Variants in BRIP1 observed in about 807,000 individuals in gnomAD.
The protein encoded by BRIP1 is Fanconi anemia group J protein.
A neutral mutation model predicts 119.7 loss-of-function variants in BRIP1; 88 were observed. The ratio of observed to expected loss-of-function variants is 0.74; its 90% CI spans 0.62 to 0.88. BRIP1 has a LOEUF of 0.88. BRIP1 is among the 40% of genes least tolerant of loss of function. The pLI is 0.00. For missense variants in BRIP1, 1,259 were observed against 1,455.4 expected (o/e 0.87, Z 2.20); for synonymous variants, 443 against 496.5 (o/e 0.89, Z 1.43).
At chr17:61,749,114 C>T (rs1041253988) in intron 14 of BRIP1, among the ~76,000 whole-genome samples, 8 of 145,040 alleles carry the variant, frequency 5.5e-5, no homozygotes, top group Admixed American at 4.9e-4. Context: ...TCCAGCCTGG[C>T]GACAGAGCGA....
chr17:61,733,620 A>G (rs967029309), intron 16 of BRIP1, among the ~76,000 whole-genome samples: 2 of 152,136 alleles, frequency 1.3e-5, no homozygotes, highest in African/African-American at 4.8e-5. Context: ...GTAATTTTAA[A>G]AAATTGATTA....
Position 61,789,416 on chromosome 17 carries a change from A to G in BRIP1, c.1473+4181T>C, listed in dbSNP as rs1364694534. Among the ~76,000 whole-genome samples, 1 of 152,182 alleles carries G rather than the reference A, an allele frequency of 6.6e-6. No individual in the cohort carries two copies. Among genetic ancestry groups the G allele is most frequent in the Non-Finnish European group, 1.5e-5 (1 of 68,028 alleles). On this transcript the variant is annotated intron_variant, in intron 10 of 19. Coordinates refer to ENST00000259008, the MANE Select transcript of BRIP1 (RefSeq NM_032043.3). The surrounding 1 kb of genome is among the most constrained non-coding windows in gnomAD (Gnocchi z 4.8). ...AATTCTCTATCCATACAGGAAAAAA[A>G]TTGATTCATAAATTCACAACATAAA... is the stretch of plus-strand genomic sequence containing the variant.
chr17:61,719,868 C>A (rs1198086113), intron 16 of BRIP1, among the ~76,000 whole-genome samples: 1 of 151,898 alleles, frequency 6.6e-6, no homozygotes, highest in Non-Finnish European at 1.5e-5. Flanking sequence ...TCAGTCTGTC[C>A]CCCAGACTGG....
Position 61,776,224 on chromosome 17 carries a change from A to G in BRIP1, c.2097+177T>C. On this transcript the variant is annotated intron_variant, in intron 14 of 19. Transcript: ENST00000259008. This position sits in a 1 kb window ranked among gnomAD's most constrained non-coding sequence, Gnocchi z 5.0. ...TAAGTAAAACAGAGGTAGGACAATC[A>G]GGCAGTATCTTAATCAAAAAATAAG... 1 of 682,886 alleles carries G rather than the reference A, an allele frequency of 1.5e-6. No homozygotes were observed. Among genetic ancestry groups the G allele is most frequent in the Non-Finnish European group, 2.4e-6 (1 of 412,806 alleles). The allele number at this position is 682,886 out of a possible 1,614,324, so 42.3% of individuals were successfully genotyped here. A position where few individuals can be genotyped will look rare whatever the true frequency, so the allele number is the denominator to read the frequency against.
rs538174407 is a variant in BRIP1, at chr17:61,824,516, T to C, written c.628-15759A>G. On this transcript the variant is annotated intron_variant, in intron 6 of 19. Coordinates refer to ENST00000259008, the MANE Select transcript of BRIP1 (RefSeq NM_032043.3). This position sits in a 1 kb window ranked among gnomAD's most constrained non-coding sequence, Gnocchi z 4.3. ...TTCCAAAAGCAAACCCCCACATATA[T>C]GGTCAAATAATTTTCAGCAGCCTAT... Among the ~76,000 whole-genome samples, 1 of 152,230 alleles carries C rather than the reference T, an allele frequency of 6.6e-6. No individual in the cohort carries two copies. The highest frequency in any genetic ancestry group is 2.1e-4 in the South Asian group (1 of 4,830).
chr17:61,725,826 T>TACATTGCCC lies in BRIP1; in HGVS notation c.2380-9772_2380-9764dup, dbSNP rs1374974738. Among the ~76,000 whole-genome samples the TACATTGCCC allele has an allele frequency of 2.0e-5, 3 of 152,184 alleles. No homozygotes were observed. Among genetic ancestry groups the TACATTGCCC allele is most frequent in the Admixed American group, 1.3e-4 (2 of 15,278 alleles). ...AATTATTTTAGAGACGCAGTCTCACTACATTGCCCAGGCTGGTCTTGAACT... is the reference window on the plus strand; with the variant it reads ...AATTATTTTAGAGACGCAGTCTCACTACATTGCCCACATTGCCCAGGCTGGTCTTGAACT... On this transcript the variant is annotated intron_variant, in intron 16 of 19. Transcript: ENST00000259008. This position sits in a 1 kb window ranked among gnomAD's most constrained non-coding sequence, Gnocchi z 5.3.
chr17:61,772,127 C>T (rs1407978557), intron 14 of BRIP1, among the ~76,000 whole-genome samples: 2 of 122,736 alleles, frequency 1.6e-5, no homozygotes, highest in Non-Finnish European at 3.3e-5. Context: ...AAATACCCAT[C>T]GACAGATGAA....
chr17:61,706,442 C>A lies in BRIP1; in HGVS notation c.2492+9509G>T, dbSNP rs1397489787. Among the ~76,000 whole-genome samples the A allele has an allele frequency of 2.0e-5, 3 of 152,068 alleles. No homozygotes were observed. The highest frequency in any genetic ancestry group is 7.2e-5 in the African/African-American group (3 of 41,418). On this transcript the variant is annotated intron_variant, in intron 17 of 19. Transcript: ENST00000259008. The surrounding 1 kb of genome is among the most constrained non-coding windows in gnomAD (Gnocchi z 5.7). Reference sequence around the variant, plus strand: ...AATTTTAACTTTTATCAAAGAAACACGAACACATAGTTTTATGTTTTCAAT... The same window carrying A: ...AATTTTAACTTTTATCAAAGAAACAAGAACACATAGTTTTATGTTTTCAAT...
At position 61,760,442 on chromosome 17, in the gene BRIP1, GAATA is replaced by G. The variant is rs1018652825; in HGVS notation, c.2098-15855_2098-15852del. ...AAGGAAAGAAGTAATAAAGATCAGA[GAATA>G]AATAAATAAAGTAGAGACTAGGAAA... On this transcript the variant is annotated intron_variant, in intron 14 of 19. Coordinates refer to ENST00000259008, the MANE Select transcript of BRIP1 (RefSeq NM_032043.3). This position sits in a 1 kb window ranked among gnomAD's most constrained non-coding sequence, Gnocchi z 4.6. 4.0e-5 allele frequency among the ~76,000 whole-genome samples: 6 copies of G among 151,252 alleles called. No homozygotes were observed. The highest frequency in any genetic ancestry group is 7.3e-5 in the African/African-American group (3 of 41,194).
At chr17:61,764,734 A>T (rs1022081215) in intron 14 of BRIP1, among the ~76,000 whole-genome samples, 1 of 152,008 alleles carries the variant, frequency 6.6e-6, no homozygotes, top group Non-Finnish European at 1.5e-5. Flanking sequence ...TATTTAACTA[A>T]TTTGTCTGTC....
In BRIP1 at chr17:61,684,547, G is replaced by A. The variant is rs1009175208; in HGVS notation, c.2906-407C>T. ...CTTTTATTTAATAAATAAGGAAAGT[G>A]ACATAAGGCTAAGTTATTTGCTCAA... On this transcript the variant is annotated intron_variant, in intron 19 of 19. Coordinates refer to ENST00000259008, the MANE Select transcript of BRIP1 (RefSeq NM_032043.3). The surrounding 1 kb of genome is among the most constrained non-coding windows in gnomAD (Gnocchi z 4.5). Among the ~76,000 whole-genome samples, 5 of 152,108 alleles carry A rather than the reference G, an allele frequency of 3.3e-5. No individual in the cohort carries two copies. The highest frequency in any genetic ancestry group is 6.5e-5 in the Admixed American group (1 of 15,274).
chr17:61,715,528 A>G (rs552378086), intron 17 of BRIP1, among the ~76,000 whole-genome samples: 1 of 152,322 alleles, frequency 6.6e-6, no homozygotes, highest in South Asian at 2.1e-4. Context: ...TTCAAATAGA[A>G]TATCTCCTCA....
rs1320177223 is a variant in BRIP1 at position 61,778,069 on chromosome 17, A to AAT, written c.1936-1509_1936-1508dup. Among the ~76,000 whole-genome samples the AAT allele has an allele frequency of 6.6e-6, 1 of 152,132 alleles. No homozygotes were observed. Among genetic ancestry groups the AAT allele is most frequent in the Non-Finnish European group, 1.5e-5 (1 of 68,038 alleles). ...TGCCAGGAAATGGAGTGGAAGACCA[A>AAT]ATATATATATTATAAATCACAGGCA... On this transcript the variant is annotated intron_variant, in intron 13 of 19. Transcript: ENST00000259008. The surrounding 1 kb of genome is among the most constrained non-coding windows in gnomAD (Gnocchi z 4.4).
chr17:61,752,423 A>G lies in BRIP1; in HGVS notation c.2098-7832T>C, dbSNP rs1456445583. On this transcript the variant is annotated intron_variant, in intron 14 of 19. Coordinates refer to ENST00000259008, the MANE Select transcript of BRIP1 (RefSeq NM_032043.3). The surrounding 1 kb of genome is among the most constrained non-coding windows in gnomAD (Gnocchi z 6.2). ...GGAGGCAAAGGCCCACTAGAAGATTATCTAGGGAAATACACTTTGTTGAAC... is the reference window on the plus strand; with the variant it reads ...GGAGGCAAAGGCCCACTAGAAGATTGTCTAGGGAAATACACTTTGTTGAAC... Among the ~76,000 whole-genome samples, 1 of 152,232 alleles carries G rather than the reference A, an allele frequency of 6.6e-6. No individual in the cohort carries two copies. The highest frequency in any genetic ancestry group is 1.9e-4 in the East Asian group (1 of 5,198).
intron 6 of BRIP1, among the ~76,000 whole-genome samples, chr17:61,820,958 AAAAAG>A (rs1268987630): frequency 1.6e-5 from 2 of 128,112 alleles, no homozygotes; most frequent in African/African-American, 7.3e-5. Flanking sequence ...TTAAAAAAAA[AAAAAG>A]AAAGAAAGAA....
Position 61,684,261 on chromosome 17 carries a change from C to G in BRIP1, c.2906-121G>C. The G allele has an allele frequency of 1.8e-6, 2 of 1,121,834 alleles. No homozygotes were observed. The highest frequency in any genetic ancestry group is 1.2e-6 in the Non-Finnish European group (1 of 802,002). The allele number at this position is 1,121,834 out of a possible 1,614,324, so 69.5% of individuals were successfully genotyped here. On this transcript the variant is annotated intron_variant, in intron 19 of 19. Transcript: ENST00000259008. This position sits in a 1 kb window ranked among gnomAD's most constrained non-coding sequence, Gnocchi z 4.5. ...TGTATAGGATACATAACTTAGAGCCCCCAACGAATACTAGTGGATTTTCAT... is the reference window on the plus strand; with the variant it reads ...TGTATAGGATACATAACTTAGAGCCGCCAACGAATACTAGTGGATTTTCAT...
chr17:61,741,220 T>A lies in BRIP1; in HGVS notation c.2379+1793A>T, dbSNP rs575047533. Among the ~76,000 whole-genome samples, 14 of 152,340 alleles carry A rather than the reference T, an allele frequency of 9.2e-5. No individual in the cohort carries two copies. The East Asian group carries it at 1.5e-3, about 17-fold the overall frequency. ...AAGTGTCCTCATGAGATTGCAGCAA[T>A]TTAGTCACGTCTTAAGCTCCACTTC... On this transcript the variant is annotated intron_variant, in intron 16 of 19. Transcript: ENST00000259008.
chr17:61,786,498 T>C (rs1567818771), intron 10 of BRIP1, among the ~76,000 whole-genome samples: 3 of 150,914 alleles, frequency 2.0e-5, no homozygotes, highest in Admixed American at 6.6e-5. Flanking sequence ...TAAAAATTCC[T>C]AAAAATATTG....
intron 3 of BRIP1, among the ~76,000 whole-genome samples, chr17:61,858,912 A>C (rs1331437752): frequency 2.6e-5 from 4 of 152,122 alleles, no homozygotes; most frequent in African/African-American, 9.7e-5. Flanking sequence ...CAAAGTAAAA[A>C]TAGTTTGGCC....
Sources: allele counts gnomAD v4.1 joint callset (sites outside exome capture counted in the v4.1 genomes callset), GRCh38; gene constraint gnomAD v4.1.1; non-coding constraint Gnocchi (gnomAD v3.1); transcripts MANE v1.5; gene names NCBI Gene and HGNC (gene_info 2026-07-23, HGNC 2026-07-21).